CDK6: variants seen among roughly 807,000 people sequenced by gnomAD.
CDK6 encodes cyclin-dependent kinase 6.
Under a neutral mutation model 37.1 loss-of-function variants are expected in CDK6, and 6 were observed. The ratio of observed to expected loss-of-function variants is 0.16; its 90% CI spans 0.09 to 0.32. The LOEUF (loss-of-function observed/expected upper bound fraction) is 0.32. CDK6 is among the 10% of genes least tolerant of loss of function. CDK6 has a pLI of 1.00. For missense variants in CDK6, 224 were observed against 418.9 expected (o/e 0.53, Z 4.06); for synonymous variants, 160 against 161.3 (o/e 0.99, Z 0.06).
At chr7:92,717,117 C>T (rs1386051735) in intron 4 of CDK6, among the ~76,000 whole-genome samples, 1 of 151,766 alleles carries the variant, frequency 6.6e-6, no homozygotes, top group Non-Finnish European at 1.5e-5. Flanking sequence ...GAGGCTGAGA[C>T]AAGAGGATTG....
At chr7:92,696,578 G>GA (rs1209060944) in intron 4 of CDK6, among the ~76,000 whole-genome samples, 1 of 152,088 alleles carries the variant, frequency 6.6e-6, no homozygotes, top group Non-Finnish European at 1.5e-5. Flanking sequence ...GATTTACTTT[G>GA]AAAAAACTGG....
intron 4 of CDK6, among the ~76,000 whole-genome samples, chr7:92,713,350 T>C (rs899203897): frequency 6.6e-6 from 1 of 152,228 alleles, no homozygotes; most frequent in African/African-American, 2.4e-5. Context: ...TAGGCAGCTT[T>C]TGAAAAACTT....
chr7:92,775,058 T>C (rs1799814892), intron 2 of CDK6, among the ~76,000 whole-genome samples: 1 of 152,194 alleles, frequency 6.6e-6, no homozygotes. Flanking sequence ...AGAACATCTA[T>C]AGTAACAATG....
chr7:92,796,005 C>G (rs1246123968), intron 2 of CDK6, among the ~76,000 whole-genome samples: 1 of 149,640 alleles, frequency 6.7e-6, no homozygotes, highest in East Asian at 2.0e-4. Context: ...TCCACTGAAA[C>G]TAAGATGGAA....
At chr7:92,757,809 A>G (rs959131024) in intron 3 of CDK6, among the ~76,000 whole-genome samples, 1 of 152,170 alleles carries the variant, frequency 6.6e-6, no homozygotes, top group Non-Finnish European at 1.5e-5. Flanking sequence ...CAACCTTGCC[A>G]GCATCTGCTA....
intron 2 of CDK6, among the ~76,000 whole-genome samples, chr7:92,787,092 G>C (rs1299093159): frequency 2.7e-5 from 4 of 148,088 alleles, no homozygotes; most frequent in Non-Finnish European, 1.5e-5. Flanking sequence ...TGAGGCAGGA[G>C]AATCACTTGA....
At chr7:92,794,557 T>C (rs897914931) in intron 2 of CDK6, among the ~76,000 whole-genome samples, 1 of 152,122 alleles carries the variant, frequency 6.6e-6, no homozygotes, top group African/African-American at 2.4e-5. Flanking sequence ...CTGTTACTGC[T>C]GCCTAGAAAG....
chr7:92,653,276 T>C (rs1400377300), intron 5 of CDK6, among the ~76,000 whole-genome samples: 1 of 152,152 alleles, frequency 6.6e-6, no homozygotes, highest in Non-Finnish European at 1.5e-5. Context: ...ATTCCTTTGT[T>C]CCGGTCTCAG....
chr7:92,729,040 C>T (rs1463474764), intron 3 of CDK6, among the ~76,000 whole-genome samples: 3 of 151,800 alleles, frequency 2.0e-5, no homozygotes, highest in African/African-American at 7.3e-5. Flanking sequence ...AACTCTGGTC[C>T]CAAATAATCA....
At chr7:92,715,442 G>C (rs1428433798) in intron 4 of CDK6, among the ~76,000 whole-genome samples, 2 of 152,118 alleles carry the variant, frequency 1.3e-5, no homozygotes, top group African/African-American at 2.4e-5. Context: ...ATGTTTCCCT[G>C]AGATTTGAAG....
chr7:92,733,098 T>C (rs1243958085), intron 3 of CDK6, among the ~76,000 whole-genome samples: 2 of 152,224 alleles, frequency 1.3e-5, no homozygotes. Context: ...CTTAAATATG[T>C]TATGAACATT....
At chr7:92,751,372 T>C (rs1799184285) in intron 3 of CDK6, among the ~76,000 whole-genome samples, 1 of 152,126 alleles carries the variant, frequency 6.6e-6, no homozygotes, top group South Asian at 2.1e-4. Context: ...TAATTCACAA[T>C]TGTGTTAAAG....
chr7:92,755,691 T>TA (rs1159166978), intron 3 of CDK6, among the ~76,000 whole-genome samples: 1 of 152,154 alleles, frequency 6.6e-6, no homozygotes, highest in Non-Finnish European at 1.5e-5. Context: ...CCAAAGTGCA[T>TA]TAGATATAAA....
At chr7:92,786,943 G>C (rs1800156278) in intron 2 of CDK6, among the ~76,000 whole-genome samples, 1 of 151,978 alleles carries the variant, frequency 6.6e-6, no homozygotes, top group Admixed American at 6.6e-5. Context: ...CAGCACTCTG[G>C]GAGGCTGAGG....
chr7:92,835,546 G>A lies in CDK6; in HGVS notation c.-368+932C>T, dbSNP rs1020319719. Among the ~76,000 whole-genome samples the A allele has an allele frequency of 4.6e-5, 7 of 152,116 alleles. No individual in the cohort carries two copies. The highest frequency in any genetic ancestry group is 8.8e-5 in the Non-Finnish European group (6 of 68,032). ...CTTGACCCCATTTCAAAAAAAGTTT[G>A]ACATAGTGCTTCAACATTTCCGCAT... On this transcript the variant is annotated intron_variant, in intron 1 of 7. Coordinates refer to ENST00000424848, the MANE Select transcript of CDK6 (RefSeq NM_001145306.2). This position sits in a 1 kb window ranked among gnomAD's most constrained non-coding sequence, Gnocchi z 4.2.
rs552804741 is a variant in CDK6 at position 92,650,588 on chromosome 7, T to TA, written c.647+20837dup. ...TGGCATGGCTCAGCTGGTTCTCTGTTAGAGTTGTACAAAGCTGACATCAAG... is the reference window on the plus strand; with the variant it reads ...TGGCATGGCTCAGCTGGTTCTCTGTTAAGAGTTGTACAAAGCTGACATCAAG... On this transcript the variant is annotated intron_variant, in intron 5 of 7. Coordinates refer to ENST00000424848, the MANE Select transcript of CDK6 (RefSeq NM_001145306.2). Among the ~76,000 whole-genome samples, 7 of 152,286 alleles carry TA rather than the reference T, an allele frequency of 4.6e-5. No individual in the cohort carries two copies. In the South Asian group the frequency reaches 6.2e-4, roughly 14 times the overall value.
chr7:92,692,407 C>T (rs1317482381), intron 4 of CDK6, among the ~76,000 whole-genome samples: 1 of 152,186 alleles, frequency 6.6e-6, no homozygotes, highest in Non-Finnish European at 1.5e-5. Flanking sequence ...TGTTTTACTC[C>T]AAAGATAAGT....
intron 4 of CDK6, among the ~76,000 whole-genome samples, chr7:92,718,874 T>C (rs1176567584): frequency 6.6e-6 from 1 of 152,252 alleles, no homozygotes; most frequent in Non-Finnish European, 1.5e-5. Context: ...TCCATCTCGC[T>C]TGTAAGCTCT....
chr7:92,656,680 T>G (rs1796707017), intron 5 of CDK6, among the ~76,000 whole-genome samples: 1 of 152,192 alleles, frequency 6.6e-6, no homozygotes, highest in Non-Finnish European at 1.5e-5. Context: ...CTAGAATAAT[T>G]TTGTGCAGGT....
Sources: allele counts gnomAD v4.1 joint callset (sites outside exome capture counted in the v4.1 genomes callset), GRCh38; gene constraint gnomAD v4.1.1; non-coding constraint Gnocchi (gnomAD v3.1); transcripts MANE v1.5; gene names NCBI Gene and HGNC (gene_info 2026-07-23, HGNC 2026-07-21).